BPIFB6: variants seen among roughly 807,000 people sequenced by gnomAD.
The protein encoded by BPIFB6 is BPI fold-containing family B member 6.
BPIFB6 carries 47 observed loss-of-function variants against 54.7 expected under a neutral mutation model. The ratio of observed to expected loss-of-function variants is 0.86; its 90% CI spans 0.68 to 1.10. The LOEUF (loss-of-function observed/expected upper bound fraction) is 1.10. BPIFB6 is among the 50% of genes least tolerant of loss of function. BPIFB6 has a pLI of 0.00. For missense variants in BPIFB6, 603 were observed against 564.1 expected (o/e 1.07, Z -0.70); for synonymous variants, 255 against 225.9 (o/e 1.13, Z -1.16).
intron 8 of BPIFB6, 27 bp downstream of exon 8, chr20:33,037,765 T>C (rs751047438): frequency 1.2e-6 from 2 of 1,609,884 alleles, no homozygotes; most frequent in Non-Finnish European, 1.7e-6. Context: ...CCCATTTCCA[T>C]CTGCCTCTGT....
At chr20:33,039,680 G>A (rs186277546) in intron 10 of BPIFB6, among the ~76,000 whole-genome samples, 160 bp downstream of exon 10, 7 of 152,332 alleles carry the variant, frequency 4.6e-5, no homozygotes, top group Admixed American at 1.3e-4. Flanking sequence ...TTGAATGGCT[G>A]GAAAGCCCAG....
rs1979229751 is a variant in BPIFB6 at position 33,034,246 on chromosome 20, C to T, written c.258C>T (p.Gly86=). ...VITLNFVPGV[G]IFQCVSTGMT... The stretch of plus-strand genomic sequence containing the variant: ...CACTGAACTTTGTACCTGGAGTGGG[C>T]ATCTTCCAATGTGTGTCCACAGGCA... The change falls in exon 3 of 15, where the codon GGC becomes GGT. Residue 86 remains glycine, a synonymous_variant. Coordinates refer to ENST00000349552, the MANE Select transcript of BPIFB6 (RefSeq NM_174897.2). 6.2e-7 allele frequency: 1 copy of T among 1,614,112 alleles called. No homozygotes were observed. Among genetic ancestry groups the T allele is most frequent in the Non-Finnish European group, 8.5e-7 (1 of 1,179,974 alleles).
chr20:33,042,747 G>T, intron 12 of BPIFB6, 68 bp from the exon 13 acceptor site: 1 of 1,450,354 alleles, frequency 6.9e-7, no homozygotes, highest in South Asian at 1.2e-5. Context: ...GCCAGAGAGG[G>T]CTGAAAAGAT....
chr20:33,034,989 G>A lies in BPIFB6; in HGVS notation c.452+77G>A, dbSNP rs555882793. ...CCAGCATATCACTTCCTGAGCCATG[G>A]AACCCCCTTAACCATGCCCCTTCAT... is the stretch of plus-strand genomic sequence containing the variant. On this transcript the variant is annotated intron_variant, in intron 4 of 14. Transcript: ENST00000349552. 360 of 1,606,540 alleles carry A rather than the reference G, an allele frequency of 2.2e-4. 1 individual carries two copies. Among genetic ancestry groups the A allele is most frequent in the Non-Finnish European group, 2.7e-4 (320 of 1,174,570 alleles).
At chr20:33,038,827 A>G (rs1979453015) in intron 8 of BPIFB6, 82 bp from the exon 9 acceptor site, 1 of 1,328,570 alleles carries the variant, frequency 7.5e-7, no homozygotes, top group African/African-American at 1.4e-5. Context: ...CAAAGGGTAC[A>G]CCTTGTTAAG....
chr20:33,044,083 C>T (rs1357915746), downstream of BPIFB6: 5 of 1,613,350 alleles, frequency 3.1e-6, no homozygotes, highest in Non-Finnish European at 3.4e-6. Context: ...GCCTGCTTAC[C>T]ACCAACCACC....
In BPIFB6 at chr20:33,034,733, C is replaced by A. The variant is rs768924685; in HGVS notation, c.303-30C>A. On this transcript the variant is annotated intron_variant, in intron 3 of 14. Coordinates refer to ENST00000349552, the MANE Select transcript of BPIFB6 (RefSeq NM_174897.2). ...GAGAGCGGACACCATGGCAGAGATG[C>A]CCATGGTGCCCTCCTGCTCTGTCCT... The A allele has an allele frequency of 1.1e-5, 18 of 1,573,582 alleles. No individual in the cohort carries two copies. In the East Asian group the frequency reaches 4.1e-4, roughly 36 times the overall value.
intron 8 of BPIFB6, among the ~76,000 whole-genome samples, chr20:33,038,584 C>T (rs1979442684): frequency 6.6e-6 from 1 of 152,186 alleles, no homozygotes; most frequent in South Asian, 2.1e-4. Context: ...TTATCCGTTT[C>T]CCCATCCATC....
chr20:33,039,543 C>T lies in BPIFB6; in HGVS notation c.1074+23C>T, dbSNP rs1222690382. 3 of 1,585,364 alleles carry T rather than the reference C, an allele frequency of 1.9e-6. No homozygotes were observed. In the Admixed American group the frequency reaches 5.4e-5, roughly 29 times the overall value. Reference sequence around the variant, plus strand: ...GTGGTGAGGGAAATCGTTCCCTTCCCCATTTATTCCCAATCTCTTGGATAT... The same window carrying T: ...GTGGTGAGGGAAATCGTTCCCTTCCTCATTTATTCCCAATCTCTTGGATAT... On this transcript the variant is annotated intron_variant, in intron 10 of 14. Transcript: ENST00000349552.
Position 33,039,607 on chromosome 20 carries a change from T to C in BPIFB6, c.1074+87T>C, listed in dbSNP as rs1979491893. On this transcript the variant is annotated intron_variant, in intron 10 of 14. Coordinates refer to ENST00000349552, the MANE Select transcript of BPIFB6 (RefSeq NM_174897.2). ...ATGGGATTTTTAGTTGACAGCCAAG[T>C]CATGGATCAGAGGGATCAGTTAATC... 17 of 1,380,930 alleles carry C rather than the reference T, an allele frequency of 1.2e-5. No homozygotes were observed. In the Admixed American group the frequency reaches 2.9e-4, roughly 24 times the overall value. 85.5% of individuals were successfully genotyped at this position (1,380,930 alleles called of 1,614,324 possible). A position where few individuals can be genotyped will look rare whatever the true frequency, so the allele number is the denominator to read the frequency against.
chr20:33,031,821 T>A, intron 1 of BPIFB6, 77 bp downstream of exon 1: 5 of 1,189,400 alleles, frequency 4.2e-6, no homozygotes, highest in Non-Finnish European at 5.0e-6. Context: ...CTGCTCTTGG[T>A]TGCACATCCT....
rs777818003 is a variant in BPIFB6, at chr20:33,042,796, TTC to T, written c.1189-15_1189-14del. The T allele has an allele frequency of 1.2e-6, 2 of 1,612,074 alleles. No individual in the cohort carries two copies. The highest frequency in any genetic ancestry group is 1.7e-5 in the Admixed American group (1 of 59,954). ...TTGGACTGAATGGAATGTGGATGCT[TTC>T]TCTTTCTTCTTTCCAGGAGAGGGAA... On this transcript the variant is annotated splice_polypyrimidine_tract_variant and intron_variant, in intron 12 of 14. Transcript: ENST00000349552.
At position 33,043,290 on chromosome 20, in the gene BPIFB6, G is replaced by T; in HGVS notation, c.1253-1G>T. The T allele has an allele frequency of 6.2e-7, 1 of 1,614,022 alleles. No individual in the cohort carries two copies. Among genetic ancestry groups the T allele is most frequent in the South Asian group, 1.1e-5 (1 of 91,074 alleles). On this transcript the variant is annotated splice_acceptor_variant, in intron 13 of 14. Coordinates refer to ENST00000349552, the MANE Select transcript of BPIFB6 (RefSeq NM_174897.2). LOFTEE classifies it high-confidence loss of function. ...GATATGACTCTTACTGTATTTCTCA[G>T]ATGTGCTTCAAGTGGGGCTCCCACT... is the stretch of plus-strand genomic sequence containing the variant.
intron 12 of BPIFB6, among the ~76,000 whole-genome samples, chr20:33,042,521 C>A (rs1057171677): frequency 1.3e-5 from 2 of 152,208 alleles, no homozygotes; most frequent in Non-Finnish European, 2.9e-5. Context: ...TACTGAGTTT[C>A]TGTAGGACCA....
chr20:33,032,911 G>T, intron 1 of BPIFB6, 73 bp from the exon 2 acceptor site: 1 of 1,224,506 alleles, frequency 8.2e-7, no homozygotes, highest in Non-Finnish European at 1.2e-6. Flanking sequence ...GGGGCACAGT[G>T]ACGGTGAGTG....
chr20:33,035,588 G>A, intron 5 of BPIFB6, 24 bp from the exon 6 acceptor site: 1 of 1,613,950 alleles, frequency 6.2e-7, no homozygotes, highest in African/African-American at 1.3e-5. Flanking sequence ...GACCCTCTCA[G>A]CCCAGTGCCT....
chr20:33,039,055 ATGCCACATAT>A, intron 9 of BPIFB6, 93 bp downstream of exon 9: 1 of 1,368,524 alleles, frequency 7.3e-7, no homozygotes, highest in Non-Finnish European at 1.0e-6. Flanking sequence ...ACAGCTTTTC[ATGCCACATAT>A]TCCTTGTCCA....
At chr20:33,042,078 G>C in intron 12 of BPIFB6, 63 bp downstream of exon 12, 1 of 1,522,650 alleles carries the variant, frequency 6.6e-7, no homozygotes, top group Non-Finnish European at 9.1e-7. Context: ...ATTCTCCCTC[G>C]GAACTACAGG....
chr20:33,040,428 C>T lies in BPIFB6; in HGVS notation c.1142+110C>T, dbSNP rs143910512. ...ATCCACCCAGCACACCCCCAACTACCAGGCTGCTCTAGCTACTTTTCCTGC... is the reference window on the plus strand; with the variant it reads ...ATCCACCCAGCACACCCCCAACTACTAGGCTGCTCTAGCTACTTTTCCTGC... On this transcript the variant is annotated intron_variant, in intron 11 of 14. Coordinates refer to ENST00000349552, the MANE Select transcript of BPIFB6 (RefSeq NM_174897.2). 247 of 986,236 alleles carry T rather than the reference C, an allele frequency of 2.5e-4. No individual in the cohort carries two copies. The African/African-American group carries it at 3.2e-3, about 13-fold the overall frequency. The allele number at this position is 986,236 out of a possible 1,614,324, so 61.1% of individuals were successfully genotyped here.
Sources: gnomAD v4.1 joint callset for allele counts (sites outside exome capture counted in the v4.1 genomes callset) on GRCh38, gnomAD v4.1.1 for gene constraint, MANE v1.5 for transcripts, NCBI Gene and HGNC (gene_info 2026-07-23, HGNC 2026-07-21) for gene names.